Variants in PCDHGA1 observed in about 807,000 individuals in gnomAD.
PCDHGA1 encodes the protein protocadherin gamma subfamily A, 1.
Under a neutral mutation model 58.0 loss-of-function variants are expected in PCDHGA1, and 32 were observed. The observed-to-expected ratio is 0.55, with a 90% CI of 0.42 to 0.74. PCDHGA1 has a LOEUF of 0.74. Among genes scored for constraint, PCDHGA1 ranks in the 30% least tolerant of loss-of-function variants. The pLI is 0.00. For missense variants in PCDHGA1, 1,205 were observed against 1,182.3 expected, an observed-to-expected ratio of 1.02 and a Z score of -0.28; for synonymous variants, 498 against 501.1, an observed-to-expected ratio of 0.99 and a Z score of 0.08.
chr5:141,403,632 G>A (rs759489331), intron 1 of PCDHGA1: 2 of 1,613,916 alleles, frequency 1.2e-6, no homozygotes, highest in Admixed American at 1.7e-5. Context: ...AGCACAGTGC[G>A]CATCCATGTG....
At chr5:141,381,556 T>G (rs1777268817) in intron 1 of PCDHGA1, among the ~76,000 whole-genome samples, 1 of 152,200 alleles carries the variant, frequency 6.6e-6, no homozygotes, top group Admixed American at 6.5e-5. Context: ...TGAATTGAAT[T>G]GCATAATGAA....
Position 141,477,707 on chromosome 5 carries a change from C to T in PCDHGA1, c.2422-17100C>T. ...AGTGCCCCTAGACTATGAGGATCGG[C>T]GGGAATTTGAATTAACAGCTCATAT... On this transcript the variant is annotated intron_variant, in intron 1 of 3. Transcript: ENST00000517417. The surrounding 1 kb of genome is among the most constrained non-coding windows in gnomAD (Gnocchi z 4.9). 6.2e-7 allele frequency: 1 copy of T among 1,613,952 alleles called. No individual in the cohort carries two copies. Among genetic ancestry groups the T allele is most frequent in the South Asian group, 1.1e-5 (1 of 91,086 alleles).
intron 1 of PCDHGA1, chr5:141,352,698 T>C: frequency 1.9e-6 from 3 of 1,551,870 alleles, no homozygotes; most frequent in Non-Finnish European, 2.6e-6. Context: ...AGTTAAATTT[T>C]ATATATGGCG....
At position 141,330,637 on chromosome 5, in the gene PCDHGA1, C is replaced by G. The variant is rs545103352; in HGVS notation, c.-48C>G. 2 of 1,520,718 alleles carry G rather than the reference C, an allele frequency of 1.3e-6. No individual in the cohort carries two copies. The highest frequency in any genetic ancestry group is 4.5e-5 in the East Asian group (2 of 44,056). 94.2% of individuals were successfully genotyped at this position (1,520,718 alleles called of 1,614,324 possible). ...TAATTTCAGCTCAGAAAAGCAGAAA[C>G]GATACCCTTGGTACTGGACTGGAAG... On this transcript the variant is annotated 5_prime_UTR_variant, in exon 1 of 4. Transcript: ENST00000517417.
chr5:141,383,941 A>G (rs754217444), intron 1 of PCDHGA1: 1 of 1,613,742 alleles, frequency 6.2e-7, no homozygotes, highest in African/African-American at 1.3e-5. Flanking sequence ...TCCAGAAGTG[A>G]CTATGACGTC....
intron 3 of PCDHGA1, 56 bp from the exon 4 acceptor site, chr5:141,510,891 G>A (rs945706652): frequency 8.7e-6 from 14 of 1,612,762 alleles, no homozygotes; most frequent in Middle Eastern, 1.6e-4. Flanking sequence ...ATATAAGACA[G>A]TGACTGTTGA....
At chr5:141,393,301 G>A (rs1398078406) in intron 1 of PCDHGA1, 2 of 1,613,768 alleles carry the variant, frequency 1.2e-6, no homozygotes, top group Non-Finnish European at 1.7e-6. Context: ...CCGGATGTGG[G>A]CGTGAACTCC....
intron 1 of PCDHGA1, chr5:141,398,701 C>G (rs757215015): frequency 6.2e-7 from 1 of 1,613,658 alleles, no homozygotes; most frequent in African/African-American, 1.3e-5. Flanking sequence ...TAGTAAATAC[C>G]CGGAACTGGC....
intron 1 of PCDHGA1, chr5:141,376,296 C>T (rs769852070): frequency 1.2e-6 from 2 of 1,614,184 alleles, no homozygotes; most frequent in Non-Finnish European, 1.7e-6. Flanking sequence ...ATGCCCGGCT[C>T]GCACTTTGTG....
intron 1 of PCDHGA1, among the ~76,000 whole-genome samples, chr5:141,402,239 T>A (rs1361940803): frequency 6.6e-6 from 1 of 152,066 alleles, no homozygotes; most frequent in African/African-American, 2.4e-5. Flanking sequence ...AGGAATTTTA[T>A]CATCAAAATA....
chr5:141,505,528 C>T (rs746609783), intron 3 of PCDHGA1, 47 bp downstream of exon 3: 4 of 1,612,320 alleles, frequency 2.5e-6, no homozygotes, highest in Non-Finnish European at 3.4e-6. Context: ...ACCTGGGGTT[C>T]TGGGGTGCAT....
intron 1 of PCDHGA1, chr5:141,413,750 G>T (rs1325273363): frequency 6.2e-7 from 1 of 1,612,538 alleles, no homozygotes; most frequent in African/African-American, 1.3e-5. Flanking sequence ...CGTGCCAATG[G>T]CGTCAAGTAC....
intron 1 of PCDHGA1, among the ~76,000 whole-genome samples, chr5:141,382,280 A>G (rs1218087661): frequency 6.6e-6 from 1 of 152,232 alleles, no homozygotes; most frequent in African/African-American, 2.4e-5. Context: ...TATGTGTTCA[A>G]TTAATACTGA....
intron 1 of PCDHGA1, chr5:141,357,012 G>C: frequency 6.2e-7 from 1 of 1,614,174 alleles, no homozygotes; most frequent in Non-Finnish European, 8.5e-7. Context: ...ATGCCTGGCT[G>C]TCCTACAGCC....
chr5:141,371,033 A>G, intron 1 of PCDHGA1: 2 of 1,614,008 alleles, frequency 1.2e-6, no homozygotes, highest in Non-Finnish European at 1.7e-6. Context: ...TGGTCCTCAC[A>G]GCTGTGGATG....
At chr5:141,369,362 A>C (rs1389904751) in intron 1 of PCDHGA1, among the ~76,000 whole-genome samples, 1 of 152,158 alleles carries the variant, frequency 6.6e-6, no homozygotes, top group African/African-American at 2.4e-5. Flanking sequence ...GTATGAAAAA[A>C]CATCCTTTGT....
intron 1 of PCDHGA1, chr5:141,339,414 C>A (rs1561479689): frequency 1.9e-6 from 3 of 1,614,224 alleles, no homozygotes; most frequent in Non-Finnish European, 2.5e-6. Context: ...ACCACTACGC[C>A]AGGATTCCGG....
rs1488446232 is a variant in PCDHGA1, at chr5:141,493,171, A to G, written c.2422-1636A>G. On this transcript the variant is annotated intron_variant, in intron 1 of 3. Coordinates refer to ENST00000517417, the MANE Select transcript of PCDHGA1 (RefSeq NM_018912.3). This position sits in a 1 kb window ranked among gnomAD's most constrained non-coding sequence, Gnocchi z 4.3. ...GGTGATTTTGATAGCTGATTGAGAG[A>G]AACTTACTATATAACTCCTTTGAGA... is the stretch of plus-strand genomic sequence containing the variant. 6.6e-6 allele frequency among the ~76,000 whole-genome samples: 1 copy of G among 152,214 alleles called. No homozygotes were observed. The highest frequency in any genetic ancestry group is 1.5e-5 in the Non-Finnish European group (1 of 68,034).
chr5:141,421,404 G>A, intron 1 of PCDHGA1: 17 of 1,614,080 alleles, frequency 1.1e-5, no homozygotes, highest in Non-Finnish European at 1.4e-5. Flanking sequence ...AGCCCCGGGA[G>A]CTGGCGAAGC....
Sources: gnomAD v4.1 joint callset for allele counts (sites outside exome capture counted in the v4.1 genomes callset) on GRCh38, gnomAD v4.1.1 for gene constraint, Gnocchi (gnomAD v3.1) non-coding constraint, MANE v1.5 for transcripts, NCBI Gene and HGNC (gene_info 2026-07-23, HGNC 2026-07-21) for gene names.